Variants in MYO5B observed in about 807,000 individuals in gnomAD.
The protein encoded by MYO5B is myosin VB, also known as unconventional myosin-Vb.
In MYO5B, 143 loss-of-function variants were observed where a neutral mutation model predicts 229.3. The ratio of observed to expected loss-of-function variants is 0.62; its 90% confidence interval spans 0.54 to 0.72. MYO5B has a LOEUF of 0.72. Ranked by LOEUF, MYO5B falls within the 30% of genes least tolerant of loss-of-function variation. The pLI is 0.00. For synonymous variants in MYO5B, 918 were observed against 885.2 expected, an observed-to-expected ratio of 1.04 and a Z score of -0.66; for missense variants, 2,321 against 2,331.0, an observed-to-expected ratio of 1.00 and a Z score of 0.09.
intron 12 of MYO5B, among the ~76,000 whole-genome samples, chr18:49,955,379 C>G (rs888957371): frequency 4.6e-5 from 7 of 152,236 alleles, no homozygotes; most frequent in Non-Finnish European, 1.0e-4. Context: ...GCTCCCTCCT[C>G]TGTCATCCCT....
chr18:49,927,229 A>G (rs1051801170), intron 17 of MYO5B, among the ~76,000 whole-genome samples: 5 of 152,202 alleles, frequency 3.3e-5, no homozygotes, highest in Non-Finnish European at 7.3e-5. Context: ...AGATGACACA[A>G]ACAAATGGAA....
At chr18:49,843,050 G>A (rs1448873859) in intron 34 of MYO5B, among the ~76,000 whole-genome samples, 191 bp downstream of exon 34, 1 of 152,194 alleles carries the variant, frequency 6.6e-6, no homozygotes, top group African/African-American at 2.4e-5. Flanking sequence ...TGCCATTGCT[G>A]GGCCTGAGCA....
At chr18:49,870,410 A>C (rs1422083280) in intron 27 of MYO5B, among the ~76,000 whole-genome samples, 1 of 152,246 alleles carries the variant, frequency 6.6e-6, no homozygotes, top group African/African-American at 2.4e-5. Flanking sequence ...CACCAAAGGC[A>C]CAGGCAACAA....
intron 1 of MYO5B, among the ~76,000 whole-genome samples, chr18:50,152,969 T>C (rs979357065): frequency 3.3e-5 from 5 of 151,482 alleles, no homozygotes; most frequent in African/African-American, 9.7e-5. Flanking sequence ...AAGTAACAAC[T>C]AGAATTTATT....
At chr18:50,081,181 T>TGGAC (rs2031211485) in intron 1 of MYO5B, among the ~76,000 whole-genome samples, 1 of 152,056 alleles carries the variant, frequency 6.6e-6, no homozygotes. Context: ...TGGATTTAGG[T>TGGAC]CAACCTCTTC....
intron 19 of MYO5B, among the ~76,000 whole-genome samples, chr18:49,905,436 T>G (rs2024888618): frequency 6.6e-6 from 1 of 152,028 alleles, no homozygotes; most frequent in East Asian, 1.9e-4. Context: ...GTCTAACACT[T>G]CCTCCCCTTC....
chr18:49,926,345 A>G (rs990652335), intron 17 of MYO5B, among the ~76,000 whole-genome samples: 1 of 152,214 alleles, frequency 6.6e-6, no homozygotes, highest in Non-Finnish European at 1.5e-5. Flanking sequence ...TGGTTCCTCC[A>G]CTACAGTGGG....
At chr18:49,903,451 C>G (rs2024866404) in intron 20 of MYO5B, among the ~76,000 whole-genome samples, 1 of 152,206 alleles carries the variant, frequency 6.6e-6, no homozygotes, top group South Asian at 2.1e-4. Context: ...TCAGTGCTCA[C>G]TCTTTGCACA....
Position 50,071,124 on chromosome 18 carries a change from C to G in MYO5B, c.28-15746G>C, listed in dbSNP as rs562908368. 2.6e-5 allele frequency among the ~76,000 whole-genome samples: 4 copies of G among 152,340 alleles called. No individual in the cohort carries two copies. The East Asian group carries it at 7.7e-4, about 29-fold the overall frequency. On this transcript the variant is annotated intron_variant, in intron 1 of 39. Transcript: ENST00000285039. Reference sequence around the variant, plus strand: ...CAGGTGTGGGCCACCATGCCCAGCACTAACCTATTTTAAATCCTTCCTGAG... The same window carrying G: ...CAGGTGTGGGCCACCATGCCCAGCAGTAACCTATTTTAAATCCTTCCTGAG...
At chr18:49,918,573 A>G (rs1341943243) in intron 17 of MYO5B, among the ~76,000 whole-genome samples, 1 of 152,210 alleles carries the variant, frequency 6.6e-6, no homozygotes, top group Non-Finnish European at 1.5e-5. Flanking sequence ...TGGAGGTGGA[A>G]TGCAAGAGGT....
chr18:50,096,586 T>A (rs112654711), intron 1 of MYO5B, among the ~76,000 whole-genome samples: 1,986 of 152,256 alleles, frequency 0.013, 41 homozygotes, highest in African/African-American at 0.045. Flanking sequence ...TTGAAAGCCA[T>A]TGAGGCTGAT....
At chr18:50,193,360 T>G (rs1200014845) in intron 1 of MYO5B, among the ~76,000 whole-genome samples, 3 of 152,230 alleles carry the variant, frequency 2.0e-5, no homozygotes, top group African/African-American at 4.8e-5. Context: ...TATTTGAGGC[T>G]GCTGCGGCCC....
intron 39 of MYO5B, among the ~76,000 whole-genome samples, chr18:49,829,984 TC>T (rs1410313748): frequency 1.3e-5 from 2 of 152,204 alleles, no homozygotes; most frequent in African/African-American, 2.4e-5. Context: ...AGAAAGTTTT[TC>T]CTCTAAGATC....
At chr18:50,156,003 A>G (rs537558843) in intron 1 of MYO5B, among the ~76,000 whole-genome samples, 1 of 152,220 alleles carries the variant, frequency 6.6e-6, no homozygotes, top group East Asian at 1.9e-4. Flanking sequence ...GTCGTGCACA[A>G]TGACATTCTA....
In MYO5B at chr18:49,823,738, T is replaced by C. The variant is rs548351232; in HGVS notation, c.*2733A>G. 1.3e-5 allele frequency: 2 copies of C among 152,340 alleles called. No individual in the cohort carries two copies. Among genetic ancestry groups the C allele is most frequent in the South Asian group, 2.1e-4 (1 of 4,832 alleles). The allele number at this position is 152,340 out of a possible 1,614,324, so 9.4% of individuals were successfully genotyped here. On this transcript the variant is annotated 3_prime_UTR_variant, in exon 40 of 40. Coordinates refer to ENST00000285039, the MANE Select transcript of MYO5B (RefSeq NM_001080467.3). ...GGTACTGGAACTCTAACTGCAACTA[T>C]GAGGGCACAGGGAAAATGCATGTAT...
chr18:50,187,454 A>G (rs1021815676), intron 1 of MYO5B, among the ~76,000 whole-genome samples: 3 of 152,154 alleles, frequency 2.0e-5, no homozygotes, highest in African/African-American at 7.2e-5. Flanking sequence ...ACCTCCATGT[A>G]AGCATAAGAC....
At chr18:49,826,857 C>A (rs2023853432) in intron 39 of MYO5B, among the ~76,000 whole-genome samples, 1 of 152,108 alleles carries the variant, frequency 6.6e-6, no homozygotes. Flanking sequence ...CCAATTCTAG[C>A]ATTCTTTAAA....
intron 1 of MYO5B, among the ~76,000 whole-genome samples, chr18:50,087,065 A>T (rs1410137194): frequency 6.6e-6 from 1 of 152,206 alleles, no homozygotes; most frequent in Non-Finnish European, 1.5e-5. Context: ...TGAACAAGGT[A>T]ACCACCATGC....
chr18:50,008,590 C>A (rs923061614), intron 4 of MYO5B, among the ~76,000 whole-genome samples: 1 of 152,130 alleles, frequency 6.6e-6, no homozygotes, highest in African/African-American at 2.4e-5. Flanking sequence ...AGGTACAACT[C>A]TATTTACCTG....
Sources: allele counts gnomAD v4.1 joint callset (sites outside exome capture counted in the v4.1 genomes callset), GRCh38; gene constraint gnomAD v4.1.1; transcripts MANE v1.5; gene names NCBI Gene and HGNC (gene_info 2026-07-23, HGNC 2026-07-21).